TTBK2: variants seen among roughly 807,000 people sequenced by gnomAD.
TTBK2 encodes the protein tau tubulin kinase 2.
TTBK2 carries 28 observed loss-of-function variants against 110.8 expected under a neutral mutation model. That is an observed-to-expected ratio of 0.25 (90% CI 0.19 to 0.35). The LOEUF (loss-of-function observed/expected upper bound fraction) is 0.35, where lower values mean the gene tolerates loss of function less well. Among genes scored for constraint, TTBK2 ranks in the 10% least tolerant of loss-of-function variants. The pLI is 1.00. For missense variants in TTBK2, 1,369 were observed against 1,500.3 expected, an observed-to-expected ratio of 0.91 and a Z score of 1.45; for synonymous variants, 532 against 527.3, an observed-to-expected ratio of 1.01 and a Z score of -0.12.
At chr15:42,775,025 C>A (rs1439977056) in intron 13 of TTBK2, 110 bp downstream of exon 13, 1 of 1,177,960 alleles carries the variant, frequency 8.5e-7, no homozygotes, top group Non-Finnish European at 1.2e-6. Context: ...CCTGGGCCAT[C>A]TGCAAAATTT....
intron 6 of TTBK2, among the ~76,000 whole-genome samples, chr15:42,820,017 A>G (rs2140957080): frequency 6.6e-6 from 1 of 152,022 alleles, no homozygotes; most frequent in South Asian, 2.1e-4. Flanking sequence ...AGCCCAGGAG[A>G]CTCTTTCTAC....
rs74533898 is a variant in TTBK2, at chr15:42,909,616, G to A, written c.-68+10822C>T. Among the ~76,000 whole-genome samples, 634 of 152,090 alleles carry A rather than the reference G, an allele frequency of 4.2e-3. 2 individuals are homozygous for A. Among genetic ancestry groups the A allele is most frequent in the Non-Finnish European group, 6.1e-3 (418 of 68,002 alleles). On this transcript the variant is annotated intron_variant, in intron 1 of 14. Transcript: ENST00000267890. Reference sequence around the variant, plus strand: ...TTGGGGGGCCATTATTGCACTTACCGCAAAACTACGCTAAAAAGAAAATGA... The same window carrying A: ...TTGGGGGGCCATTATTGCACTTACCACAAAACTACGCTAAAAAGAAAATGA...
chr15:42,804,441 C>CA (rs1289654692), intron 9 of TTBK2, among the ~76,000 whole-genome samples: 3,178 of 107,682 alleles, frequency 0.03, 103 homozygotes, highest in African/African-American at 0.092. Context: ...AACTCCATCT[C>CA]AAAAAAAAAA....
At chr15:42,919,799 T>A in intron 1 of TTBK2, 1 of 985,444 alleles carries the variant, frequency 1.0e-6, no homozygotes, top group African/African-American at 1.7e-5. Flanking sequence ...AACTTCGCTG[T>A]AGAATAAAGT....
chr15:42,902,861 T>G (rs1280799246), intron 1 of TTBK2, among the ~76,000 whole-genome samples: 37 of 151,758 alleles, frequency 2.4e-4, no homozygotes. Context: ...CATGGTGCCA[T>G]GCACCTGTAA....
At chr15:42,815,259 A>G (rs549226021) in intron 7 of TTBK2, among the ~76,000 whole-genome samples, 9 of 152,238 alleles carry the variant, frequency 5.9e-5, no homozygotes, top group African/African-American at 2.2e-4. Flanking sequence ...AATGCTTAGC[A>G]GAGTGCTACA....
intron 3 of TTBK2, among the ~76,000 whole-genome samples, chr15:42,860,945 G>C (rs926886172): frequency 6.6e-6 from 1 of 151,954 alleles, no homozygotes; most frequent in African/African-American, 2.4e-5. Flanking sequence ...CACTGAGCCT[G>C]GCCTAAAGCT....
rs529718030 is a variant in TTBK2, at chr15:42,744,532, C to G, written c.*1263G>C. 3 of 152,254 alleles carry G rather than the reference C, an allele frequency of 2.0e-5. No individual in the cohort carries two copies. Among genetic ancestry groups the G allele is most frequent in the South Asian group, 4.1e-4 (2 of 4,828 alleles). 9.4% of individuals were successfully genotyped at this position (152,254 alleles called of 1,614,324 possible). On this transcript the variant is annotated 3_prime_UTR_variant, in exon 15 of 15. Coordinates refer to ENST00000267890, the MANE Select transcript of TTBK2 (RefSeq NM_173500.4). ...CCATTTTAAAAGTCTGGTAGACTTTCATTTGCCTGATTCCTATTAGAAGAG... is the reference window on the plus strand; with the variant it reads ...CCATTTTAAAAGTCTGGTAGACTTTGATTTGCCTGATTCCTATTAGAAGAG...
chr15:42,900,525 C>A (rs1377022236), intron 1 of TTBK2, among the ~76,000 whole-genome samples: 3 of 151,940 alleles, frequency 2.0e-5, no homozygotes, highest in African/African-American at 7.3e-5. Flanking sequence ...TTGAGAATAG[C>A]CTGGCCAACA....
At chr15:42,805,244 C>T (rs1404845753) in intron 9 of TTBK2, among the ~76,000 whole-genome samples, 2 of 152,130 alleles carry the variant, frequency 1.3e-5, no homozygotes, top group Admixed American at 6.5e-5. Flanking sequence ...TATCATTGTG[C>T]TATGTTCTTG....
At chr15:42,797,785 T>C (rs1206971008) in intron 9 of TTBK2, among the ~76,000 whole-genome samples, 1 of 152,210 alleles carries the variant, frequency 6.6e-6, no homozygotes, top group African/African-American at 2.4e-5. Flanking sequence ...ATATACAGTA[T>C]ATGTAGTGTG....
intron 2 of TTBK2, among the ~76,000 whole-genome samples, chr15:42,875,123 A>T (rs1894767769): frequency 6.6e-6 from 1 of 152,206 alleles, no homozygotes; most frequent in Admixed American, 6.5e-5. Flanking sequence ...TTCACGTTTT[A>T]CCTCACAAAA....
intron 9 of TTBK2, chr15:42,801,180 T>C (rs1487572533): frequency 1.5e-6 from 2 of 1,322,294 alleles, no homozygotes; most frequent in Non-Finnish European, 2.1e-6. Context: ...GGTCTTCATA[T>C]GGATACTCAT....
chr15:42,863,148 A>T (rs1894226127), intron 3 of TTBK2, among the ~76,000 whole-genome samples: 1 of 152,160 alleles, frequency 6.6e-6, no homozygotes, highest in Non-Finnish European at 1.5e-5. Context: ...TAACAACATG[A>T]TTCTACACCT....
At chr15:42,763,583 C>T (rs763232632) in intron 13 of TTBK2, among the ~76,000 whole-genome samples, 2 of 151,908 alleles carry the variant, frequency 1.3e-5, no homozygotes, top group African/African-American at 2.4e-5. Context: ...AAATGATAAA[C>T]GTTTGAGATG....
At chr15:42,855,834 G>A (rs567273165) in intron 3 of TTBK2, among the ~76,000 whole-genome samples, 20 of 152,216 alleles carry the variant, frequency 1.3e-4, no homozygotes, top group Non-Finnish European at 2.2e-4. Context: ...ACAGGCGCCC[G>A]CCACCTCGCC....
Position 42,769,716 on chromosome 15 carries a change from C to G in TTBK2, c.1998+5419G>C, listed in dbSNP as rs1309511750. On this transcript the variant is annotated intron_variant, in intron 13 of 14. Transcript: ENST00000267890. ...GACAGTGTGGCGATTTCTTAAGGAT[C>G]TAGAACTAGAAATACCATTTGACCC... Among the ~76,000 whole-genome samples, 3 of 152,102 alleles carry G rather than the reference C, an allele frequency of 2.0e-5. No individual in the cohort carries two copies. In the East Asian group the frequency reaches 5.8e-4, roughly 29 times the overall value.
intron 9 of TTBK2, among the ~76,000 whole-genome samples, chr15:42,803,300 T>G (rs1172869631): frequency 6.6e-6 from 1 of 152,230 alleles, no homozygotes; most frequent in African/African-American, 2.4e-5. Context: ...GGTAAGTATT[T>G]GTGTATGTAA....
At chr15:42,857,088 T>C (rs1402504370) in intron 3 of TTBK2, among the ~76,000 whole-genome samples, 1 of 151,894 alleles carries the variant, frequency 6.6e-6, no homozygotes, top group Non-Finnish European at 1.5e-5. Flanking sequence ...TCTATCAATA[T>C]TGGTTCATCA....
Sources: gnomAD v4.1 joint callset for allele counts (sites outside exome capture counted in the v4.1 genomes callset) on GRCh38, gnomAD v4.1.1 for gene constraint, MANE v1.5 for transcripts, NCBI Gene and HGNC (gene_info 2026-07-23, HGNC 2026-07-21) for gene names.